The following PRDM1 variants were observed in gnomAD, a reference collection of about 807,000 sequenced individuals.
PRDM1 encodes the protein PR domain zinc finger protein 1.
A neutral mutation model predicts 62.8 loss-of-function variants in PRDM1; 13 were observed. That is an observed-to-expected ratio of 0.21 (90% confidence interval 0.13 to 0.33). PRDM1 has a LOEUF of 0.33. Among genes scored for constraint, PRDM1 ranks in the 10% least tolerant of loss-of-function variants. PRDM1 has a pLI of 1.00. For synonymous variants in PRDM1, 396 were observed against 417.6 expected (o/e 0.95, Z 0.63); for missense variants, 895 against 1,058.8 (o/e 0.85, Z 2.15).
chr6:106,075,096 T>C (rs759059689), intron 1 of PRDM1, among the ~76,000 whole-genome samples: 4 of 151,552 alleles, frequency 2.6e-5, no homozygotes, highest in Non-Finnish European at 5.9e-5. Flanking sequence ...ATGTTGATTA[T>C]TGACCAAATT....
intron 2 of PRDM1, among the ~76,000 whole-genome samples, chr6:106,090,880 C>CTT (rs780599783): frequency 5.1e-5 from 7 of 137,102 alleles, no homozygotes; most frequent in Admixed American, 1.5e-4. Context: ...GTGTCAGCAC[C>CTT]TTTTTTTTTT....
At chr6:106,026,911 C>A (rs1002377244) in intron 1 of PRDM1, among the ~76,000 whole-genome samples, 3 of 152,164 alleles carry the variant, frequency 2.0e-5, no homozygotes, top group African/African-American at 7.2e-5. Context: ...CGAGTCACAG[C>A]AGTAAGTTTC....
chr6:106,098,826 C>G (rs941602750), intron 3 of PRDM1: 42 of 1,524,356 alleles, frequency 2.8e-5, no homozygotes, highest in African/African-American at 5.5e-5. Context: ...GTGTAGGAAA[C>G]GGCGAGTACA....
At chr6:106,057,163 C>T (rs1280019887) in intron 1 of PRDM1, among the ~76,000 whole-genome samples, 1 of 152,180 alleles carries the variant, frequency 6.6e-6, no homozygotes, top group Non-Finnish European at 1.5e-5. Flanking sequence ...AGACATGCAT[C>T]TGCTTTATAT....
At chr6:106,000,801 A>G (rs1002247733) in intron 1 of PRDM1, among the ~76,000 whole-genome samples, 1 of 152,202 alleles carries the variant, frequency 6.6e-6, no homozygotes, top group African/African-American at 2.4e-5. Flanking sequence ...TAATTTATCT[A>G]TTTTATAATG....
intron 1 of PRDM1, among the ~76,000 whole-genome samples, chr6:106,035,097 TTC>T (rs1265250301): frequency 6.6e-6 from 1 of 152,336 alleles, no homozygotes; most frequent in East Asian, 1.9e-4. Flanking sequence ...ATTTCCTTAT[TTC>T]TCTCTGTTTG....
chr6:106,072,634 G>A lies in PRDM1; in HGVS notation c.-66-15567G>A, dbSNP rs564681022. ...GCTGGATTTCAGCATCACTTTGGGG[G>A]GCTCTGCCCGGATGTGTGTGTGGCT... is the stretch of plus-strand genomic sequence containing the variant. On this transcript the variant is annotated intron_variant, in intron 1 of 6. Coordinates refer to the PRDM1 transcript ENST00000651185. Among the ~76,000 whole-genome samples the A allele has an allele frequency of 1.6e-3, 240 of 152,334 alleles. 3 individuals carry two copies. Among genetic ancestry groups the A allele is most frequent in the Middle Eastern group, 6.8e-3 (2 of 294 alleles).
At chr6:106,050,110 C>T (rs1439378560) in intron 1 of PRDM1, among the ~76,000 whole-genome samples, 1 of 152,154 alleles carries the variant, frequency 6.6e-6, no homozygotes, top group Non-Finnish European at 1.5e-5. Context: ...CCTCATCTTA[C>T]TGGGCCTCTG....
At chr6:106,091,713 G>A (rs558067285) in intron 2 of PRDM1, among the ~76,000 whole-genome samples, 1 of 152,304 alleles carries the variant, frequency 6.6e-6, no homozygotes, top group South Asian at 2.1e-4. Flanking sequence ...CTGGGAGGTG[G>A]AGTGAGCCGA....
upstream of PRDM1, among the ~76,000 whole-genome samples, chr6:105,992,866 C>A (rs567317165): frequency 6.6e-6 from 1 of 152,336 alleles, no homozygotes; most frequent in African/African-American, 2.4e-5. Context: ...CGGGAAAGAG[C>A]TTTGCTTTCT....
intron 1 of PRDM1, among the ~76,000 whole-genome samples, chr6:106,054,120 G>A (rs185620892): frequency 2.6e-5 from 4 of 152,154 alleles, no homozygotes; most frequent in Admixed American, 2.6e-4. Context: ...GTTGACCAAA[G>A]ACTGATGGTG....
At chr6:106,013,626 C>A (rs998319026) in intron 1 of PRDM1, among the ~76,000 whole-genome samples, 4 of 152,194 alleles carry the variant, frequency 2.6e-5, no homozygotes, top group Non-Finnish European at 5.9e-5. Context: ...CCATGCCCAG[C>A]CGACCTTTTC....
At chr6:106,062,125 T>A (rs1773354544) in intron 1 of PRDM1, among the ~76,000 whole-genome samples, 1 of 152,352 alleles carries the variant, frequency 6.6e-6, no homozygotes, top group African/African-American at 2.4e-5. Flanking sequence ...TAGACCCCAC[T>A]GTCTACATGG....
At position 106,002,937 on chromosome 6, in the gene PRDM1, G is replaced by A. The variant is rs561790240; in HGVS notation, c.-67+9298G>A. Among the ~76,000 whole-genome samples, 11 of 152,276 alleles carry A rather than the reference G, an allele frequency of 7.2e-5. No homozygotes were observed. The South Asian group carries it at 2.3e-3, about 32-fold the overall frequency. ...CATTCTCTTTTGGAGCATTCAGCAG[G>A]ATTACATGTTATGGAATTTAGGAAT... On this transcript the variant is annotated intron_variant, in intron 1 of 6. Transcript: ENST00000652320.
chr6:106,075,551 G>A lies in PRDM1; in HGVS notation c.-66-12650G>A, dbSNP rs1420616145. Among the ~76,000 whole-genome samples, 4 of 152,258 alleles carry A rather than the reference G, an allele frequency of 2.6e-5. No individual in the cohort carries two copies. The Middle Eastern group carries it at 0.01, about 388-fold the overall frequency. On this transcript the variant is annotated intron_variant, in intron 1 of 6. Transcript: ENST00000651185. ...CCTTGGTTCTGATCATCTCTTCCCT[G>A]GCCCTCAGGGGCTATTGTGTTTGTT...
chr6:106,047,417 T>C (rs1773097675), upstream of PRDM1, among the ~76,000 whole-genome samples: 3 of 152,364 alleles, frequency 2.0e-5, no homozygotes, highest in Admixed American at 6.5e-5. Flanking sequence ...TGGAAATGCC[T>C]GTAGAAAGAT....
In PRDM1 at chr6:106,108,586, C is replaced by T. The variant is rs1473258260; in HGVS notation, c.*1100C>T. On this transcript the variant is annotated 3_prime_UTR_variant, in exon 7 of 7. Coordinates refer to ENST00000369096, the MANE Select transcript of PRDM1 (RefSeq NM_001198.4). ...ACATGGTGCTCTACCAGGAAGGATT[C>T]GAGGTAGATAGGCTCAGGCCACACT... The T allele has an allele frequency of 2.0e-5, 4 of 202,130 alleles. No homozygotes were observed. Among genetic ancestry groups the T allele is most frequent in the Admixed American group, 1.5e-4 (2 of 13,480 alleles). 12.5% of individuals were successfully genotyped at this position (202,130 alleles called of 1,614,324 possible).
chr6:106,037,574 A>G (rs76476032), intron 1 of PRDM1, among the ~76,000 whole-genome samples: 1,919 of 152,024 alleles, frequency 0.013, 27 homozygotes, highest in Middle Eastern at 0.058. Flanking sequence ...CTCAGACTCA[A>G]TCATTGTCTT....
intron 1 of PRDM1, among the ~76,000 whole-genome samples, chr6:106,035,663 C>T (rs1443502730): frequency 6.6e-6 from 1 of 152,012 alleles, no homozygotes; most frequent in Non-Finnish European, 1.5e-5. Context: ...ACTATTTTGT[C>T]TAAAATTAGT....
Sources: gnomAD v4.1 joint callset for allele counts (sites outside exome capture counted in the v4.1 genomes callset) on GRCh38, gnomAD v4.1.1 for gene constraint, MANE v1.5 for transcripts, NCBI Gene and HGNC (gene_info 2026-07-23, HGNC 2026-07-21) for gene names.